EXOC6: variants seen among roughly 807,000 people sequenced by gnomAD.
EXOC6 encodes SEC15-like 1.
Under a neutral mutation model 112.5 loss-of-function variants are expected in EXOC6, and 60 were observed. The observed-to-expected ratio is 0.53, with a 90% CI of 0.43 to 0.66. EXOC6 has a LOEUF of 0.66. EXOC6 is among the 30% of genes least tolerant of loss of function. The pLI is 0.00. For synonymous variants in EXOC6, 295 were observed against 308.0 expected (o/e 0.96, Z 0.44); for missense variants, 855 against 957.1 (o/e 0.89, Z 1.41).
At chr10:93,046,988 G>A (rs992661691) in intron 20 of EXOC6, among the ~76,000 whole-genome samples, 7 of 152,174 alleles carry the variant, frequency 4.6e-5, no homozygotes, top group Admixed American at 2.0e-4. Flanking sequence ...CCTGGATAAG[G>A]TGCAAGAGAG....
intron 6 of EXOC6, 36 bp from the exon 7 acceptor site, chr10:92,915,722 T>C: frequency 6.9e-7 from 1 of 1,455,560 alleles, no homozygotes. Flanking sequence ...CATAATCAGT[T>C]TTGAAATAAT....
At chr10:92,917,694 TAAAA>T (rs925015601) in intron 7 of EXOC6, among the ~76,000 whole-genome samples, 22 of 148,996 alleles carry the variant, frequency 1.5e-4, no homozygotes, top group African/African-American at 5.1e-4. Flanking sequence ...CCTGGCTAAT[TAAAA>T]AAAAAAAATT....
At chr10:92,917,937 G>A (rs777894958) in intron 7 of EXOC6, among the ~76,000 whole-genome samples, 1 of 152,044 alleles carries the variant, frequency 6.6e-6, no homozygotes, top group Non-Finnish European at 1.5e-5. Flanking sequence ...AGATTGTTTG[G>A]GCCAGGAGTT....
intron 17 of EXOC6, among the ~76,000 whole-genome samples, chr10:92,956,540 A>G (rs1170708930): frequency 6.6e-6 from 1 of 152,158 alleles, no homozygotes; most frequent in Non-Finnish European, 1.5e-5. Context: ...TAGTGTTAAC[A>G]TTTAACCATA....
intron 1 of EXOC6, among the ~76,000 whole-genome samples, chr10:92,890,917 G>C (rs187911918): frequency 6.6e-6 from 1 of 152,258 alleles, no homozygotes; most frequent in Non-Finnish European, 1.5e-5. Context: ...GGTTTTAATG[G>C]GACAATTCCC....
chr10:92,975,460 GT>G (rs1253617075), intron 18 of EXOC6, among the ~76,000 whole-genome samples: 12 of 148,784 alleles, frequency 8.1e-5, no homozygotes, highest in African/African-American at 2.8e-4. Flanking sequence ...CAGCCGCCCC[GT>G]CCGGGAGGGA....
intron 20 of EXOC6, among the ~76,000 whole-genome samples, chr10:93,029,972 G>A (rs931043369): frequency 1.7e-4 from 26 of 151,370 alleles, no homozygotes; most frequent in Admixed American, 1.5e-3. Context: ...GCAATGGCGC[G>A]ATCTCGGCTC....
intron 1 of EXOC6, among the ~76,000 whole-genome samples, chr10:92,849,260 G>A (rs1847209833): frequency 6.6e-6 from 1 of 152,212 alleles, no homozygotes; most frequent in African/African-American, 2.4e-5. Flanking sequence ...TTGGGAACAC[G>A]CTAGGGTGAC....
At chr10:92,991,286 A>G (rs947540909) in intron 18 of EXOC6, among the ~76,000 whole-genome samples, 1 of 151,834 alleles carries the variant, frequency 6.6e-6, no homozygotes, top group South Asian at 2.1e-4. Context: ...AAACACAAAT[A>G]TTAGCCGGGC....
intron 1 of EXOC6, among the ~76,000 whole-genome samples, chr10:92,864,500 A>T (rs1189781969): frequency 6.6e-6 from 1 of 152,210 alleles, no homozygotes; most frequent in African/African-American, 2.4e-5. Context: ...GTGTCGACTT[A>T]ACTAGGTTAA....
At chr10:92,869,092 A>G (rs528086358) in intron 1 of EXOC6, among the ~76,000 whole-genome samples, 5 of 152,218 alleles carry the variant, frequency 3.3e-5, no homozygotes, top group African/African-American at 1.2e-4. Context: ...ATTTTGTCAG[A>G]TGTTTTTCAG....
intron 8 of EXOC6, 98 bp downstream of exon 8, chr10:92,920,148 T>G: frequency 1.5e-6 from 1 of 669,396 alleles, no homozygotes; most frequent in Non-Finnish European, 2.3e-6. Flanking sequence ...CTGTAAATCT[T>G]CACATAATTC....
At chr10:92,896,035 GTA>G (rs1331176949) in intron 4 of EXOC6, among the ~76,000 whole-genome samples, 53 of 107,692 alleles carry the variant, frequency 4.9e-4, no homozygotes, top group African/African-American at 1.6e-3. Flanking sequence ...ATATATGTGT[GTA>G]TATATATGTG....
intron 1 of EXOC6, among the ~76,000 whole-genome samples, chr10:92,849,378 C>T (rs1259293133): frequency 6.6e-6 from 1 of 152,162 alleles, no homozygotes; most frequent in African/African-American, 2.4e-5. Flanking sequence ...GAGTTCCTCC[C>T]CATTCATTTT....
chr10:93,019,531 C>T (rs970634651), intron 20 of EXOC6, among the ~76,000 whole-genome samples: 2 of 152,094 alleles, frequency 1.3e-5, no homozygotes, highest in Non-Finnish European at 2.9e-5. Context: ...AGAATCTTTT[C>T]TTTTGTAACA....
chr10:93,047,323 GC>G (rs1846043340), intron 20 of EXOC6, among the ~76,000 whole-genome samples: 1 of 150,130 alleles, frequency 6.7e-6, no homozygotes, highest in African/African-American at 2.4e-5. Context: ...GATCACTTGA[GC>G]CCCGGAGTTC....
Position 92,894,828 on chromosome 10 carries a change from A to G in EXOC6, c.308A>G (p.Asp103Gly). The G allele has an allele frequency of 6.2e-7, 1 of 1,613,530 alleles. No homozygotes were observed. The highest frequency in any genetic ancestry group is 8.5e-7 in the Non-Finnish European group (1 of 1,179,680). The change falls in exon 3 of 22, where the codon GAT becomes GGT. Residue 103 changes from aspartate (D) to glycine (G), a missense_variant. By Grantham distance (94) the Asp-to-Gly change is moderately conservative. This residue lies in a region of EXOC6 where 405 missense variants were observed against 393.6 expected (regional missense o/e 1.03). Transcript: ENST00000260762. ...QVTDTNRRFQ[D>G]AGKEVIVHTE... ...ACTGATACCAACCGAAGGTTTCAAG[A>G]TGCTGGAAAAGAGGTGAGAAAATGA...
chr10:92,934,806 GTTTACAA>G (rs919544985), intron 11 of EXOC6, among the ~76,000 whole-genome samples: 14 of 152,078 alleles, frequency 9.2e-5, no homozygotes, highest in South Asian at 2.1e-4. Context: ...GTTCTTCAAT[GTTTACAA>G]TTTACAGTAA....
intron 13 of EXOC6, among the ~76,000 whole-genome samples, chr10:92,944,472 G>T (rs934957287): frequency 1.3e-5 from 2 of 152,180 alleles, no homozygotes; most frequent in Admixed American, 6.5e-5. Context: ...CTGACCTCAA[G>T]TGATCCGCCT....
Sources: gnomAD v4.1 joint callset for allele counts (sites outside exome capture counted in the v4.1 genomes callset) on GRCh38, gnomAD v4.1.1 for gene constraint, gnomAD v4.1.1 regional missense constraint, MANE v1.5 for transcripts, NCBI Gene and HGNC (gene_info 2026-07-23, HGNC 2026-07-21) for gene names.